The following TG variants were observed in gnomAD, a reference collection of about 807,000 sequenced individuals.
The protein encoded by TG is thyroid hormones.
In TG, 270 loss-of-function variants were observed where a neutral mutation model predicts 324.7. That is an observed-to-expected ratio of 0.83 (90% CI 0.75 to 0.92). TG has a LOEUF of 0.92. Ranked by LOEUF, TG falls within the 40% of genes least tolerant of loss-of-function variation. The probability of loss-of-function intolerance (pLI) is 0.00; values close to 1 mark genes in which losing one functional copy is unlikely to be tolerated. For missense variants in TG, 3,591 were observed against 3,456.4 expected (o/e 1.04, Z -0.98); for synonymous variants, 1,401 against 1,327.0 (o/e 1.06, Z -1.21).
chr8:132,930,860 G>A (rs1403959455), intron 23 of TG, among the ~76,000 whole-genome samples: 3 of 152,102 alleles, frequency 2.0e-5, no homozygotes, highest in African/African-American at 7.2e-5. Flanking sequence ...ACAGACAACA[G>A]TTAGAAAAAA....
At chr8:132,959,810 T>A (rs994137306) in intron 27 of TG, among the ~76,000 whole-genome samples, 1 of 152,202 alleles carries the variant, frequency 6.6e-6, no homozygotes, top group Non-Finnish European at 1.5e-5. Context: ...AAGGAAGGTT[T>A]TTGTGCAAGC....
chr8:133,061,009 C>G (rs780277244), intron 41 of TG, among the ~76,000 whole-genome samples: 5 of 152,168 alleles, frequency 3.3e-5, no homozygotes, highest in Non-Finnish European at 5.9e-5. Context: ...AGTCATTAAC[C>G]TTTTCTGTTT....
chr8:132,869,755 G>T lies in TG; in HGVS notation c.203G>T (p.Arg68Leu). The change falls in exon 3 of 48, where the codon CGC (arginine) becomes CTC (leucine). Residue 68 changes from arginine (R) to leucine (L), a missense_variant. By Grantham distance (102) the Arg-to-Leu change is moderately radical (BLOSUM62 -2). Transcript: ENST00000220616. Reference sequence around the variant, plus strand: ...ACTGTCCAGTGCCAGAACGACGGCCGCTCCTGCTGGTGTGTGGGTGCCAAC... The same window carrying T: ...ACTGTCCAGTGCCAGAACGACGGCCTCTCCTGCTGGTGTGTGGGTGCCAAC... ...FQTVQCQNDG[R>L]SCWCVGANGS... 3.1e-6 allele frequency: 5 copies of T among 1,614,154 alleles called. No homozygotes were observed. The highest frequency in any genetic ancestry group is 4.2e-6 in the Non-Finnish European group (5 of 1,180,028).
rs1201201061 is a variant in TG at position 132,941,467 on chromosome 8, G to A, written c.5158G>A (p.Ala1720Thr). The change falls in exon 26 of 48, where the codon GCT becomes ACT. Residue 1720 changes from alanine (A) to threonine (T), a missense_variant. By Grantham distance (58) the Ala-to-Thr change is moderately conservative. Coordinates refer to ENST00000220616, the MANE Select transcript of TG (RefSeq NM_003235.5). ...FSASGANLTDAHLFCLLACDR... is the reference protein window; with the variant it reads ...FSASGANLTDTHLFCLLACDR... ...AGCCTCAGGAGCCAATCTAACCGAT[G>A]CTCACCTCTTCTGTCTTCTTGCATG... 6.2e-7 allele frequency: 1 copy of A among 1,614,184 alleles called. No homozygotes were observed. The highest frequency in any genetic ancestry group is 1.7e-5 in the Admixed American group (1 of 60,016).
chr8:132,958,917 G>A (rs1827354753), intron 27 of TG, among the ~76,000 whole-genome samples: 1 of 152,138 alleles, frequency 6.6e-6, no homozygotes, highest in African/African-American at 2.4e-5. Context: ...GGAGGACAAG[G>A]AGGACAAATC....
intron 29 of TG, among the ~76,000 whole-genome samples, chr8:132,965,318 A>G (rs2130417375): frequency 6.6e-6 from 1 of 152,268 alleles, no homozygotes; most frequent in Admixed American, 6.5e-5. Context: ...CTTTCCAAGT[A>G]CTCATAAAGC....
chr8:133,042,491 T>G (rs555558102), intron 41 of TG, among the ~76,000 whole-genome samples: 1 of 152,242 alleles, frequency 6.6e-6, no homozygotes, highest in African/African-American at 2.4e-5. Flanking sequence ...ATGCATCTTT[T>G]TTTTTTAACT....
intron 43 of TG, chr8:133,106,447 CA>C: frequency 1.0e-6 from 1 of 985,382 alleles, no homozygotes; most frequent in Admixed American, 6.1e-5. Flanking sequence ...GCTCTTCTCC[CA>C]GGTCCCGCCT....
At chr8:132,876,921 C>T (rs993691293) in intron 5 of TG, among the ~76,000 whole-genome samples, 1 of 152,214 alleles carries the variant, frequency 6.6e-6, no homozygotes. Context: ...AGTCTAACTT[C>T]AAATGCCTTA....
At chr8:133,010,248 CTG>C (rs749436029) in intron 35 of TG, among the ~76,000 whole-genome samples, 4 of 152,192 alleles carry the variant, frequency 2.6e-5, no homozygotes, top group Non-Finnish European at 5.9e-5. Context: ...GACTCCTCCT[CTG>C]TGAAAGAGGC....
chr8:133,046,393 C>G (rs75793403), intron 41 of TG: 6,167 of 152,380 alleles, frequency 0.04, 171 homozygotes, highest in Middle Eastern at 0.088. Context: ...AAATGCCACC[C>G]TGGGGTGTGA....
intron 41 of TG, among the ~76,000 whole-genome samples, chr8:133,065,991 A>G (rs1263895831): frequency 1.3e-5 from 2 of 152,080 alleles, no homozygotes; most frequent in Non-Finnish European, 2.9e-5. Flanking sequence ...GAGCGAGGCC[A>G]GTTGAGGCAT....
chr8:133,036,106 C>T (rs552725011), intron 41 of TG, among the ~76,000 whole-genome samples: 2 of 152,330 alleles, frequency 1.3e-5, no homozygotes, highest in Admixed American at 1.3e-4. Flanking sequence ...TTCCTGCTGA[C>T]TCCATACACT....
At chr8:133,014,395 A>T (rs1330913363) in intron 37 of TG, among the ~76,000 whole-genome samples, 3 of 152,246 alleles carry the variant, frequency 2.0e-5, no homozygotes, top group Non-Finnish European at 4.4e-5. Flanking sequence ...TCCATCACTA[A>T]GTAAGACTGC....
At chr8:133,027,223 G>A (rs1048180666) in intron 40 of TG, among the ~76,000 whole-genome samples, 2 of 152,252 alleles carry the variant, frequency 1.3e-5, no homozygotes, top group Non-Finnish European at 2.9e-5. Context: ...ATTCAACAAT[G>A]AGGGAGCAGG....
intron 45 of TG, among the ~76,000 whole-genome samples, chr8:133,123,101 C>G (rs926498220): frequency 2.0e-5 from 3 of 152,058 alleles, no homozygotes; most frequent in Non-Finnish European, 4.4e-5. Flanking sequence ...ACAAATGCCT[C>G]CAGACATTGT....
intron 31 of TG, among the ~76,000 whole-genome samples, chr8:132,968,913 A>G (rs1049272072): frequency 6.6e-6 from 1 of 152,132 alleles, no homozygotes; most frequent in Admixed American, 6.5e-5. Context: ...TGCTCATGCC[A>G]TGGTTTGTAT....
At chr8:133,054,250 G>A (rs4458855) in intron 41 of TG, among the ~76,000 whole-genome samples, 4 of 152,172 alleles carry the variant, frequency 2.6e-5, no homozygotes, top group African/African-American at 9.7e-5. Context: ...GAGAGTTGAG[G>A]AAGTCAGTGG....
At position 133,049,737 on chromosome 8, in the gene TG, A is replaced by T; in HGVS notation, c.7239+19714A>T. 6.5e-6 allele frequency: 4 copies of T among 617,816 alleles called. No homozygotes were observed. In the South Asian group the frequency reaches 7.5e-5, roughly 12 times the overall value. The allele number at this position is 617,816 out of a possible 1,614,324, so 38.3% of individuals were successfully genotyped here. ...TCCCAGAGAGCAGAAGAGATAAGTT[A>T]GCCCAAGGTTGCTCCTTTCCTTATT... On this transcript the variant is annotated intron_variant, in intron 41 of 47. Coordinates refer to ENST00000220616, the MANE Select transcript of TG (RefSeq NM_003235.5).
Sources: allele counts gnomAD v4.1 joint callset (sites outside exome capture counted in the v4.1 genomes callset), GRCh38; gene constraint gnomAD v4.1.1; transcripts MANE v1.5; gene names NCBI Gene and HGNC (gene_info 2026-07-23, HGNC 2026-07-21).